TRERF1: variants seen among roughly 807,000 people sequenced by gnomAD.
TRERF1 encodes the protein transcriptional regulating factor 1, also known as transcriptional-regulating factor 1.
In TRERF1, 27 loss-of-function variants were observed where a neutral mutation model predicts 122.9. The observed-to-expected ratio is 0.22, with a 90% CI of 0.16 to 0.30. The LOEUF (loss-of-function observed/expected upper bound fraction) is 0.30. Among genes scored for constraint, TRERF1 ranks in the 10% least tolerant of loss-of-function variants. The pLI is 1.00. For synonymous variants in TRERF1, 636 were observed against 641.7 expected, an observed-to-expected ratio of 0.99 and a Z score of 0.13; for missense variants, 1,248 against 1,560.3, an observed-to-expected ratio of 0.80 and a Z score of 3.37.
intron 2 of TRERF1, among the ~76,000 whole-genome samples, chr6:42,429,584 A>G (rs1381120138): frequency 1.3e-5 from 2 of 152,218 alleles, no homozygotes; most frequent in Non-Finnish European, 2.9e-5. Flanking sequence ...AATTAAAAAA[A>G]ATTCCTACAG....
At chr6:42,371,307 G>C (rs182075471) in intron 2 of TRERF1, among the ~76,000 whole-genome samples, 1 of 152,308 alleles carries the variant, frequency 6.6e-6, no homozygotes, top group Admixed American at 6.5e-5. Context: ...CAGCAAAGAA[G>C]GGCCTAAACA....
chr6:42,390,996 C>T (rs2151245949), intron 2 of TRERF1, among the ~76,000 whole-genome samples: 1 of 152,254 alleles, frequency 6.6e-6, no homozygotes, highest in South Asian at 2.1e-4. Flanking sequence ...TGAGTGGGAC[C>T]CTGTCTTATC....
intron 2 of TRERF1, among the ~76,000 whole-genome samples, chr6:42,395,992 T>C (rs1778514231): frequency 6.6e-6 from 1 of 152,124 alleles, no homozygotes; most frequent in African/African-American, 2.4e-5. Flanking sequence ...AACTGCCATC[T>C]GATCAATGGT....
intron 2 of TRERF1, among the ~76,000 whole-genome samples, chr6:42,377,394 T>C (rs1034828216): frequency 2.0e-5 from 3 of 152,336 alleles, no homozygotes; most frequent in South Asian, 2.1e-4. Flanking sequence ...ATTCCGGACA[T>C]TTCCTATAAA....
Position 42,228,256 on chromosome 6 carries a change from G to T in TRERF1, c.*89C>A. On this transcript the variant is annotated 3_prime_UTR_variant, in exon 18 of 18. Transcript: ENST00000372922. This position sits in a 1 kb window ranked among gnomAD's most constrained non-coding sequence, Gnocchi z 4.2. ...ACTTTTAAAACAGGTAGTTTAAAAG[G>T]GTTACAAAACAAGCAGGCAGTCCAG... The T allele has an allele frequency of 8.6e-7, 1 of 1,166,640 alleles. No individual in the cohort carries two copies. The highest frequency in any genetic ancestry group is 1.2e-6 in the Non-Finnish European group (1 of 840,726). The allele number at this position is 1,166,640 out of a possible 1,614,324, so 72.3% of individuals were successfully genotyped here.
intron 3 of TRERF1, among the ~76,000 whole-genome samples, chr6:42,330,431 A>T (rs114230532): frequency 6.6e-5 from 10 of 152,228 alleles, no homozygotes; most frequent in African/African-American, 2.2e-4. Flanking sequence ...TTCATGTTAT[A>T]TACACAAAAA....
chr6:42,366,144 A>G (rs541860961), intron 2 of TRERF1, among the ~76,000 whole-genome samples: 1 of 152,144 alleles, frequency 6.6e-6, no homozygotes, highest in Admixed American at 6.5e-5. Flanking sequence ...GGTGGCACCA[A>G]CCCAGCTTAC....
At chr6:42,413,948 G>A (rs967527245) in intron 2 of TRERF1, among the ~76,000 whole-genome samples, 4 of 152,102 alleles carry the variant, frequency 2.6e-5, no homozygotes, top group Non-Finnish European at 4.4e-5. Context: ...AAAATTTTTC[G>A]TGAAATTAAT....
intron 8 of TRERF1, among the ~76,000 whole-genome samples, chr6:42,260,941 G>A (rs908895029): frequency 2.0e-5 from 3 of 152,128 alleles, no homozygotes; most frequent in Non-Finnish European, 2.9e-5. Context: ...GAGGAGTCTA[G>A]GGAGGCAGAG....
At chr6:42,324,500 C>CTA (rs763171812) in intron 3 of TRERF1, among the ~76,000 whole-genome samples, 26 of 152,196 alleles carry the variant, frequency 1.7e-4, no homozygotes, top group Admixed American at 4.6e-4. Flanking sequence ...TTACTTCAAA[C>CTA]TATACTACAA....
intron 3 of TRERF1, among the ~76,000 whole-genome samples, chr6:42,321,063 A>C (rs1380133768): frequency 2.0e-5 from 3 of 151,648 alleles, no homozygotes; most frequent in African/African-American, 7.3e-5. Flanking sequence ...GAGGCTGAAA[A>C]GGGGGGAATT....
At chr6:42,359,724 A>G (rs1048131592) in intron 3 of TRERF1, among the ~76,000 whole-genome samples, 2 of 152,226 alleles carry the variant, frequency 1.3e-5, no homozygotes, top group African/African-American at 2.4e-5. Flanking sequence ...CTCCGTCTCA[A>G]AAAAACACCC....
chr6:42,387,354 C>T (rs150193708), intron 2 of TRERF1, among the ~76,000 whole-genome samples: 419 of 152,338 alleles, frequency 2.8e-3, no homozygotes, highest in African/African-American at 9.1e-3. Context: ...GCCTAAGGGC[C>T]GAGAAGCTCC....
intron 4 of TRERF1, among the ~76,000 whole-genome samples, chr6:42,286,765 C>T (rs1349153030): frequency 7.7e-6 from 1 of 130,274 alleles, no homozygotes; most frequent in African/African-American, 2.9e-5. Context: ...CTGGAAATAC[C>T]ATTTGACCCA....
chr6:42,257,414 C>A (rs1776973592), intron 10 of TRERF1, among the ~76,000 whole-genome samples: 1 of 152,144 alleles, frequency 6.6e-6, no homozygotes, highest in African/African-American at 2.4e-5. Flanking sequence ...GCCAATGGTG[C>A]CATTTAACAA....
At chr6:42,442,976 T>C (rs1786797731) in intron 2 of TRERF1, among the ~76,000 whole-genome samples, 1 of 152,252 alleles carries the variant, frequency 6.6e-6, no homozygotes. Context: ...TGAGGATATC[T>C]ACCTTCTCTG....
chr6:42,420,580 G>A (rs1782621588), intron 2 of TRERF1, among the ~76,000 whole-genome samples: 1 of 152,068 alleles, frequency 6.6e-6, no homozygotes, highest in South Asian at 2.1e-4. Flanking sequence ...ATGCTTATTA[G>A]AGAGAATCAG....
At chr6:42,274,453 T>C (rs1780797463) in intron 4 of TRERF1, among the ~76,000 whole-genome samples, 1 of 152,020 alleles carries the variant, frequency 6.6e-6, no homozygotes, top group Admixed American at 6.6e-5. Context: ...GGCAGGGGGA[T>C]TACTTGAGGC....
chr6:42,378,167 C>A (rs56198154), intron 2 of TRERF1, among the ~76,000 whole-genome samples: 1 of 151,926 alleles, frequency 6.6e-6, no homozygotes, highest in Non-Finnish European at 1.5e-5. Flanking sequence ...TGGAGATAAG[C>A]GGATGAGGGG....
Sources: gnomAD v4.1 joint callset for allele counts (sites outside exome capture counted in the v4.1 genomes callset) on GRCh38, gnomAD v4.1.1 for gene constraint, Gnocchi (gnomAD v3.1) non-coding constraint, MANE v1.5 for transcripts, NCBI Gene and HGNC (gene_info 2026-07-23, HGNC 2026-07-21) for gene names.